The following KDM7A variants were observed in gnomAD, a reference collection of about 807,000 sequenced individuals.
The protein encoded by KDM7A is lysine demethylase 7A, also known as lysine-specific demethylase 7A.
Under a neutral mutation model 114.8 loss-of-function variants are expected in KDM7A, and 28 were observed. That is an observed-to-expected ratio of 0.24 (90% confidence interval 0.18 to 0.33). The LOEUF (loss-of-function observed/expected upper bound fraction) is 0.33. Among genes scored for constraint, KDM7A ranks in the 10% least tolerant of loss-of-function variants. The pLI is 1.00. For missense variants in KDM7A, 942 were observed against 1,142.5 expected, an observed-to-expected ratio of 0.82 and a Z score of 2.53; for synonymous variants, 423 against 397.8, an observed-to-expected ratio of 1.06 and a Z score of -0.75.
At chr7:140,126,127 T>C (rs1202485609) in intron 6 of KDM7A, among the ~76,000 whole-genome samples, 5 of 152,134 alleles carry the variant, frequency 3.3e-5, no homozygotes, top group African/African-American at 1.2e-4. Flanking sequence ...AGGCTGGTCT[T>C]GAACTCCTGG....
At chr7:140,093,835 T>C (rs1165682072) in intron 18 of KDM7A, among the ~76,000 whole-genome samples, 2 of 152,210 alleles carry the variant, frequency 1.3e-5, no homozygotes, top group Admixed American at 1.3e-4. Context: ...CTTGAATAAA[T>C]TATTCTTTTC....
chr7:140,112,701 T>A (rs554344121), intron 10 of KDM7A, among the ~76,000 whole-genome samples: 1 of 151,084 alleles, frequency 6.6e-6, no homozygotes, highest in African/African-American at 2.4e-5. Flanking sequence ...CAAAGTTCCA[T>A]GGAGTTATAA....
At chr7:140,115,657 A>G (rs11972037) in intron 9 of KDM7A, among the ~76,000 whole-genome samples, 65,171 of 151,256 alleles carry the variant, frequency 0.43, 14,407 homozygotes, top group African/African-American at 0.5. Flanking sequence ...CAAACACTGC[A>G]GAAGGCCGCA....
Position 140,119,223 on chromosome 7 carries a change from A to C in KDM7A, c.1140-4T>G, listed in dbSNP as rs368005856. ...CCTTTTCTCCATCTCATAACACCTA[A>C]ATGAGTTTGAAGAAATTTTTAATAT... On this transcript the variant is annotated splice_region_variant and splice_polypyrimidine_tract_variant and intron_variant, in intron 8 of 19. Coordinates refer to ENST00000397560, the MANE Select transcript of KDM7A (RefSeq NM_030647.2). 67 of 1,486,852 alleles carry C rather than the reference A, an allele frequency of 4.5e-5. No individual in the cohort carries two copies. The African/African-American group carries it at 8.2e-4, about 18-fold the overall frequency. The allele number at this position is 1,486,852 out of a possible 1,614,324, so 92.1% of individuals were successfully genotyped here. A position where few individuals can be genotyped will look rare whatever the true frequency, so the allele number is the denominator to read the frequency against.
rs369504739 is a variant in KDM7A, at chr7:140,099,015, A to C, written c.1782T>G (p.Phe594Leu). 2.4e-5 allele frequency: 38 copies of C among 1,612,394 alleles called. No individual in the cohort carries two copies. In the South Asian group the frequency reaches 3.9e-4, roughly 16 times the overall value. The change falls in exon 14 of 20, where the codon TTT becomes TTG. Residue 594 changes from phenylalanine (F) to leucine (L), a missense_variant. By Grantham distance (22) the Phe-to-Leu change is conservative (BLOSUM62 0). This residue lies in a region of KDM7A where 512 missense variants were observed against 576.6 expected (regional missense o/e 0.89). Coordinates refer to ENST00000397560, the MANE Select transcript of KDM7A (RefSeq NM_030647.2). ...CTGCTGTATAAAGACTTTGATCTGC[A>C]AAGGGCTGCCTTTCATCTCTGTATT... ...GRIIKDERQPFADQSLYTADS... is the reference protein window; with the variant it reads ...GRIIKDERQPLADQSLYTADS...
chr7:140,094,099 G>T lies in KDM7A; in HGVS notation c.2414C>A (p.Ser805Tyr). The stretch of plus-strand genomic sequence containing the variant: ...AGTATCAAACTGTTTAATCCAGGAG[G>T]AAGTCCTCAAGTCTGGATCTTCAGT... ...VKTEDPDLRT[S>Y]SWIKQFDTSR... Residue 805 changes from serine (S) to tyrosine (Y), a missense_variant, in exon 18 of 20, where the codon TCC becomes TAC. Ser to Tyr is a moderately radical substitution (Grantham distance 144). This residue lies in a region of KDM7A where 512 missense variants were observed against 576.6 expected (regional missense o/e 0.89). Coordinates refer to ENST00000397560, the MANE Select transcript of KDM7A (RefSeq NM_030647.2). 2 of 1,605,670 alleles carry T rather than the reference G, an allele frequency of 1.2e-6. No individual in the cohort carries two copies. Among genetic ancestry groups the T allele is most frequent in the Non-Finnish European group, 1.7e-6 (2 of 1,172,234 alleles).
intron 11 of KDM7A, among the ~76,000 whole-genome samples, chr7:140,104,918 A>G (rs1818302247): frequency 6.6e-6 from 1 of 152,174 alleles, no homozygotes; most frequent in Admixed American, 6.5e-5. Flanking sequence ...CTTCCTATCC[A>G]TGAGCATGGA....
At chr7:140,143,219 T>A (rs1794305553) in intron 1 of KDM7A, among the ~76,000 whole-genome samples, 1 of 149,626 alleles carries the variant, frequency 6.7e-6, no homozygotes. Flanking sequence ...GTACATATGA[T>A]ATATTCTATG....
intron 11 of KDM7A, among the ~76,000 whole-genome samples, chr7:140,107,113 T>C (rs1320520746): frequency 6.6e-6 from 1 of 152,214 alleles, no homozygotes; most frequent in Non-Finnish European, 1.5e-5. Flanking sequence ...TTTTTTGTTT[T>C]CCACTTGCTT....
At chr7:140,155,142 A>G (rs1374765722) in intron 1 of KDM7A, among the ~76,000 whole-genome samples, 1 of 152,206 alleles carries the variant, frequency 6.6e-6, no homozygotes, top group Non-Finnish European at 1.5e-5. Context: ...AGAAACAAAC[A>G]AATTGTTTGT....
Position 140,139,171 on chromosome 7 carries a change from G to GA in KDM7A, c.213_214insT (p.His72SerfsTer5). 1 of 1,613,080 alleles carries GA rather than the reference G, an allele frequency of 6.2e-7. No individual in the cohort carries two copies. Among genetic ancestry groups the GA allele is most frequent in the Non-Finnish European group, 8.5e-7 (1 of 1,179,352 alleles). Reference sequence around the variant, plus strand: ...TACAGGTCAATGTCAACAGCATGATGTTCTTCTACTCCAACACAGCTAAGA... The same window carrying GA: ...TACAGGTCAATGTCAACAGCATGATGATTCTTCTACTCCAACACAGCTAAGA... On this transcript the variant is annotated frameshift_variant, in exon 2 of 20. Transcript: ENST00000397560. LOFTEE classifies it high-confidence loss of function.
chr7:140,092,066 T>C lies in KDM7A; in HGVS notation c.2469A>G (p.Arg823=). 1 of 1,614,142 alleles carries C rather than the reference T, an allele frequency of 6.2e-7. No individual in the cohort carries two copies. Among genetic ancestry groups the C allele is most frequent in the Non-Finnish European group, 8.5e-7 (1 of 1,179,996 alleles). The change falls in exon 19 of 20, where the codon AGA becomes AGG. Residue 823 remains arginine, a synonymous_variant. Transcript: ENST00000397560. ...TSRFHPQDLS[R]SQKCIRKEGS... is the part of the protein sequence containing the mutation. ...CTTCCTTTCTGATGCATTTCTGGCT[T>C]CTACTTAGATCCTGAAGGAGGAGGA...
intron 1 of KDM7A, among the ~76,000 whole-genome samples, chr7:140,172,539 G>GGGTGC (rs1794657512): frequency 6.6e-6 from 1 of 152,056 alleles, no homozygotes. Context: ...TGTAGTCCCA[G>GGGTGC]CTACTCTGGA....
chr7:140,143,209 G>C (rs994546276), intron 1 of KDM7A, among the ~76,000 whole-genome samples: 1 of 149,986 alleles, frequency 6.7e-6, no homozygotes, highest in Admixed American at 6.6e-5. Flanking sequence ...ACATAAAAGA[G>C]TACATATGAT....
At position 140,085,019 on chromosome 7, in the gene KDM7A, C is replaced by G. The variant is rs1817900196; in HGVS notation, c.*6075G>C. The G allele has an allele frequency of 6.6e-6, 1 of 152,158 alleles. No homozygotes were observed. The highest frequency in any genetic ancestry group is 1.5e-5 in the Non-Finnish European group (1 of 68,038). The allele number at this position is 152,158 out of a possible 1,614,324, so 9.4% of individuals were successfully genotyped here. A position where few individuals can be genotyped will look rare whatever the true frequency, so the allele number is the denominator to read the frequency against. ...AAGTAAAACAGAAACAAAATAAATA[C>G]TGTACACTTTCCCTGCCTGCAGGCA... On this transcript the variant is annotated 3_prime_UTR_variant, in exon 20 of 20. Coordinates refer to ENST00000397560, the MANE Select transcript of KDM7A (RefSeq NM_030647.2).
chr7:140,119,242 T>G, intron 8 of KDM7A, 23 bp from the exon 9 acceptor site: 1 of 1,258,456 alleles, frequency 7.9e-7, no homozygotes, highest in Non-Finnish European at 1.1e-6. Flanking sequence ...GAAGAAATTT[T>G]TAATATTAAT....
chr7:140,114,747 C>T (rs1370074292), intron 9 of KDM7A, among the ~76,000 whole-genome samples: 14 of 151,398 alleles, frequency 9.2e-5, no homozygotes, highest in African/African-American at 2.7e-4. Context: ...GGCCGCCCAT[C>T]GTCTGAGATG....
At chr7:140,137,828 A>G (rs978473037) in intron 2 of KDM7A, among the ~76,000 whole-genome samples, 1 of 152,256 alleles carries the variant, frequency 6.6e-6, no homozygotes, top group African/African-American at 2.4e-5. Context: ...TTGAAAAAAT[A>G]GAACAAAATG....
intron 1 of KDM7A, among the ~76,000 whole-genome samples, chr7:140,174,306 T>C (rs933904284): frequency 6.6e-6 from 1 of 152,234 alleles, no homozygotes; most frequent in Non-Finnish European, 1.5e-5. Context: ...AAAAAGACCC[T>C]GGGCTCAAAA....
Sources: allele counts gnomAD v4.1 joint callset (sites outside exome capture counted in the v4.1 genomes callset), GRCh38; gene constraint gnomAD v4.1.1; regional missense constraint gnomAD v4.1.1; transcripts MANE v1.5; gene names NCBI Gene and HGNC (gene_info 2026-07-23, HGNC 2026-07-21).